CLASP1: variants seen among roughly 807,000 people sequenced by gnomAD.
CLASP1 encodes the protein cytoplasmic linker associated protein 1.
Under a neutral mutation model 192.3 loss-of-function variants are expected in CLASP1, and 38 were observed. That is an observed-to-expected ratio of 0.20 (90% CI 0.15 to 0.26). The LOEUF (loss-of-function observed/expected upper bound fraction) is 0.26, where lower values mean the gene tolerates loss of function less well. Among genes scored for constraint, CLASP1 ranks in the 10% least tolerant of loss-of-function variants. CLASP1 has a pLI of 1.00. For missense variants in CLASP1, 1,433 were observed against 1,932.5 expected, an observed-to-expected ratio of 0.74 and a Z score of 4.85; for synonymous variants, 691 against 712.8, an observed-to-expected ratio of 0.97 and a Z score of 0.49.
At chr2:121,504,671 G>T (rs918890428) in intron 7 of CLASP1, among the ~76,000 whole-genome samples, 3 of 152,214 alleles carry the variant, frequency 2.0e-5, no homozygotes, top group Admixed American at 1.3e-4. Flanking sequence ...ACCCTCTGGA[G>T]CTTATGCTCT....
intron 8 of CLASP1, among the ~76,000 whole-genome samples, chr2:121,494,830 G>A (rs1020433568): frequency 1.3e-5 from 2 of 151,912 alleles, no homozygotes; most frequent in Non-Finnish European, 2.9e-5. Flanking sequence ...AGACCATCCT[G>A]GCTAATATGG....
intron 2 of CLASP1, among the ~76,000 whole-genome samples, chr2:121,592,413 A>G (rs945005350): frequency 5.9e-5 from 9 of 152,232 alleles, no homozygotes; most frequent in African/African-American, 2.2e-4. Context: ...ATATAAATGT[A>G]CCTAAGTAAC....
At chr2:121,527,674 G>C in intron 5 of CLASP1, 125 bp downstream of exon 5, 2 of 697,168 alleles carry the variant, frequency 2.9e-6, no homozygotes, top group Non-Finnish European at 4.9e-6. Context: ...GCAAGGGTGG[G>C]TAAAGGGGGC....
Position 121,377,494 on chromosome 2 carries a change from C to T in CLASP1, c.3642+5G>A. 1 of 1,599,656 alleles carries T rather than the reference C, an allele frequency of 6.3e-7. No homozygotes were observed. Among genetic ancestry groups the T allele is most frequent in the Non-Finnish European group, 8.5e-7 (1 of 1,171,912 alleles). Reference sequence around the variant, plus strand: ...AGAGTTCTCTTTTAGCCTAGGGATACTTACAATATCACACTCCTTTTTGCC... The same window carrying T: ...AGAGTTCTCTTTTAGCCTAGGGATATTTACAATATCACACTCCTTTTTGCC... On this transcript the variant is annotated splice_donor_5th_base_variant and intron_variant, in intron 34 of 39. Transcript: ENST00000263710.
intron 25 of CLASP1, among the ~76,000 whole-genome samples, chr2:121,406,708 G>A (rs1258165798): frequency 6.6e-6 from 1 of 152,116 alleles, no homozygotes; most frequent in African/African-American, 2.4e-5. Flanking sequence ...TCCTGCCTCA[G>A]CCTCCGAAGT....
chr2:121,418,812 G>A, intron 22 of CLASP1, 83 bp from the exon 23 acceptor site: 1 of 1,007,282 alleles, frequency 9.9e-7, no homozygotes, highest in South Asian at 1.3e-5. Flanking sequence ...AGTCACATTT[G>A]GTTAATGTAA....
intron 8 of CLASP1, among the ~76,000 whole-genome samples, chr2:121,473,549 A>G (rs2091129096): frequency 6.6e-6 from 1 of 152,192 alleles, no homozygotes; most frequent in Non-Finnish European, 1.5e-5. Flanking sequence ...AAGAAGGGGA[A>G]GGACAGAAAA....
intron 35 of CLASP1, among the ~76,000 whole-genome samples, chr2:121,365,894 G>A (rs1281806023): frequency 2.0e-5 from 3 of 152,180 alleles, no homozygotes; most frequent in East Asian, 1.9e-4. Context: ...GTTACCTGCA[G>A]GGCTGTGAAC....
chr2:121,544,908 T>TTTTC (rs1491589150), intron 2 of CLASP1, among the ~76,000 whole-genome samples: 6 of 410 alleles, frequency 0.015, no homozygotes, highest in East Asian at 0.12. Flanking sequence ...TTTTCTTTTC[T>TTTTC]TTTTTTTTTT....
At chr2:121,613,745 A>G (rs757054008) in intron 1 of CLASP1, among the ~76,000 whole-genome samples, 3 of 152,188 alleles carry the variant, frequency 2.0e-5, no homozygotes, top group Non-Finnish European at 4.4e-5. Flanking sequence ...AAGAGAATCA[A>G]TCATAAGCTC....
chr2:121,498,336 C>T (rs147339436), intron 8 of CLASP1, among the ~76,000 whole-genome samples: 1 of 151,856 alleles, frequency 6.6e-6, no homozygotes, highest in Non-Finnish European at 1.5e-5. Flanking sequence ...ACCACCCCCC[C>T]AGCTGGGACT....
chr2:121,470,293 C>CCT (rs2090455739), intron 8 of CLASP1: 3 of 309,056 alleles, frequency 9.7e-6, no homozygotes, highest in South Asian at 4.7e-5. Flanking sequence ...ACCATCCATG[C>CCT]TTTTTTTTTT....
chr2:121,503,051 A>G, intron 8 of CLASP1, 116 bp downstream of exon 8: 1 of 660,238 alleles, frequency 1.5e-6, no homozygotes, highest in Non-Finnish European at 2.6e-6. Context: ...ATGGAGGTTA[A>G]GTTTTAAGAC....
At chr2:121,483,330 C>A (rs1373457964) in intron 8 of CLASP1, among the ~76,000 whole-genome samples, 5 of 151,984 alleles carry the variant, frequency 3.3e-5, no homozygotes, top group African/African-American at 1.2e-4. Context: ...CAGTAAAGGT[C>A]AGGATAGCAT....
chr2:121,389,135 G>C (rs954549655), intron 30 of CLASP1, among the ~76,000 whole-genome samples: 3 of 152,034 alleles, frequency 2.0e-5, no homozygotes, highest in African/African-American at 7.2e-5. Context: ...ATAATCAAAA[G>C]TTACTTTTTT....
intron 35 of CLASP1, 144 bp downstream of exon 36, chr2:121,367,444 T>G: frequency 9.4e-7 from 1 of 1,063,240 alleles, no homozygotes; most frequent in East Asian, 2.6e-5. Flanking sequence ...TTCAGTTAAG[T>G]AGTGCCTGAA....
chr2:121,567,823 C>T lies in CLASP1; in HGVS notation c.196-37498G>A, dbSNP rs116676968. Among the ~76,000 whole-genome samples, 770 of 152,240 alleles carry T rather than the reference C, an allele frequency of 5.1e-3. 8 individuals carry two copies. Among genetic ancestry groups the T allele is most frequent in the African/African-American group, 0.018 (743 of 41,544 alleles). On this transcript the variant is annotated intron_variant, in intron 2 of 39. Coordinates refer to ENST00000263710, the Ensembl canonical transcript of CLASP1. ...GAGGTGTTAGGAAAGAAAAGAAATA[C>T]CTTTGGAGCGCCACATAATACAAAT...
chr2:121,594,290 A>C (rs1198182176), intron 2 of CLASP1, among the ~76,000 whole-genome samples: 1 of 141,734 alleles, frequency 7.1e-6, no homozygotes, highest in African/African-American at 2.9e-5. Context: ...ACAGAGGGAG[A>C]CTCCGTCTCA....
chr2:121,531,073 T>G (rs372311426), intron 2 of CLASP1: 3 of 690,302 alleles, frequency 4.3e-6, no homozygotes, highest in East Asian at 5.4e-5. Flanking sequence ...ACTAGTACTT[T>G]GTGGTTAAAC....
Sources: allele counts gnomAD v4.1 joint callset (sites outside exome capture counted in the v4.1 genomes callset), GRCh38; gene constraint gnomAD v4.1.1; transcripts MANE v1.5; gene names NCBI Gene and HGNC (gene_info 2026-07-23, HGNC 2026-07-21).